The following RBFOX3 variants were observed in gnomAD, a reference collection of about 807,000 sequenced individuals.
The protein encoded by RBFOX3 is RNA binding fox-1 homolog 3.
A neutral mutation model predicts 48.7 loss-of-function variants in RBFOX3; 17 were observed. The observed-to-expected ratio is 0.35, with a 90% confidence interval of 0.24 to 0.52. RBFOX3 has a LOEUF of 0.52. Ranked by LOEUF, RBFOX3 falls within the 20% of genes least tolerant of loss-of-function variation. RBFOX3 has a pLI of 0.94. For missense variants in RBFOX3, 382 were observed against 497.5 expected (o/e 0.77, Z 2.21); for synonymous variants, 212 against 209.5 (o/e 1.01, Z -0.10).
chr17:79,640,645 T>A, the RBFOX3 span, among the ~76,000 whole-genome samples: 1 of 152,074 alleles, frequency 6.6e-6, no homozygotes, highest in African/African-American at 2.4e-5. Context: ...CAGAAATAAA[T>A]TCATTCATTT....
At chr17:79,317,973 C>T (rs767170305) in intron 2 of RBFOX3, among the ~76,000 whole-genome samples, 46 of 152,078 alleles carry the variant, frequency 3.0e-4, no homozygotes, top group African/African-American at 9.7e-4. Context: ...TTAAGCTTGC[C>T]GCTTCATCAT....
intron 4 of RBFOX3, among the ~76,000 whole-genome samples, chr17:79,148,016 C>CT (rs2043410296): frequency 1.3e-5 from 2 of 151,618 alleles, no homozygotes; most frequent in Non-Finnish European, 3.0e-5. Context: ...CCGTGGGGCC[C>CT]CGGGGGGAGG....
At chr17:79,349,477 T>C (rs2083482256) in intron 2 of RBFOX3, among the ~76,000 whole-genome samples, 1 of 151,944 alleles carries the variant, frequency 6.6e-6, no homozygotes, top group Non-Finnish European at 1.5e-5. Flanking sequence ...CAACTCCTAC[T>C]CACCCTCCCG....
At chr17:79,411,059 G>A (rs2064252060) in intron 2 of RBFOX3, among the ~76,000 whole-genome samples, 1 of 152,210 alleles carries the variant, frequency 6.6e-6, no homozygotes, top group South Asian at 2.1e-4. Context: ...TTGTGCCTCA[G>A]TTTCCTCCTC....
At chr17:79,169,660 C>T (rs1376868134) in intron 4 of RBFOX3, among the ~76,000 whole-genome samples, 1 of 152,208 alleles carries the variant, frequency 6.6e-6, no homozygotes, top group Non-Finnish European at 1.5e-5. Context: ...AAAGGCAAAT[C>T]CACAGAGGCT....
intron 4 of RBFOX3, among the ~76,000 whole-genome samples, chr17:79,228,226 T>C (rs1239570198): frequency 1.3e-5 from 2 of 152,258 alleles, no homozygotes; most frequent in East Asian, 3.9e-4. Context: ...CTCTCCGTGT[T>C]CCCTCCGGCC....
chr17:79,490,747 C>G (rs1276084143), intron 1 of RBFOX3, among the ~76,000 whole-genome samples: 3 of 130,756 alleles, frequency 2.3e-5, no homozygotes, highest in Non-Finnish European at 5.0e-5. Context: ...AGAGAGAGAA[C>G]AGGTAAACCA....
intron 1 of RBFOX3, among the ~76,000 whole-genome samples, chr17:79,534,734 G>A (rs1406594489): frequency 6.6e-6 from 1 of 152,230 alleles, no homozygotes; most frequent in African/African-American, 2.4e-5. Context: ...AATCAGGCTT[G>A]TAAAACATCA....
At chr17:79,358,569 C>T (rs2085674164) in intron 2 of RBFOX3, among the ~76,000 whole-genome samples, 1 of 152,102 alleles carries the variant, frequency 6.6e-6, no homozygotes, top group Non-Finnish European at 1.5e-5. Flanking sequence ...CAAGCAATTC[C>T]ATTGCCTCAG....
At position 79,103,882 on chromosome 17, in the gene RBFOX3, G is replaced by T. The variant is rs902377923; in HGVS notation, c.414+191C>A. Among the ~76,000 whole-genome samples the T allele has an allele frequency of 7.1e-6, 1 of 140,222 alleles. No individual in the cohort carries two copies. The highest frequency in any genetic ancestry group is 2.6e-5 in the African/African-American group (1 of 39,054). 92.0% of individuals were successfully genotyped at this position (140,222 alleles called of 152,430 possible). Reference sequence around the variant, plus strand: ...TGGCTCAGAAAGAAAAAGCGGCAGCGGCAGCAACAACACAGACAGCTGGGG... The same window carrying T: ...TGGCTCAGAAAGAAAAAGCGGCAGCTGCAGCAACAACACAGACAGCTGGGG... On this transcript the variant is annotated intron_variant, in intron 7 of 14. Transcript: ENST00000693108. The surrounding 1 kb of genome is among the most constrained non-coding windows in gnomAD (Gnocchi z 6.1).
chr17:79,431,094 G>A (rs2068353757), intron 2 of RBFOX3, among the ~76,000 whole-genome samples: 1 of 152,188 alleles, frequency 6.6e-6, no homozygotes, highest in Non-Finnish European at 1.5e-5. Flanking sequence ...AAAACATGAG[G>A]TCAAGCCCGA....
intron 2 of RBFOX3, among the ~76,000 whole-genome samples, chr17:79,404,000 G>C (rs1451808919): frequency 6.6e-6 from 1 of 152,094 alleles, no homozygotes; most frequent in Non-Finnish European, 1.5e-5. Context: ...GGATGGTCTT[G>C]ATCTCCTGAC....
intron 2 of RBFOX3, among the ~76,000 whole-genome samples, chr17:79,312,097 G>A (rs1025523669): frequency 3.3e-5 from 5 of 152,174 alleles, no homozygotes; most frequent in Middle Eastern, 3.4e-3. Flanking sequence ...CAGCGCTACC[G>A]TACTGTAACT....
chr17:79,197,894 G>A lies in RBFOX3; in HGVS notation c.-34+37872C>T, dbSNP rs77862027. Among the ~76,000 whole-genome samples, 359 of 152,230 alleles carry A rather than the reference G, an allele frequency of 2.4e-3. 3 individuals carry two copies. The highest frequency in any genetic ancestry group is 8.4e-3 in the African/African-American group (347 of 41,546). On this transcript the variant is annotated intron_variant, in intron 4 of 14. Coordinates refer to ENST00000693108, the MANE Select transcript of RBFOX3 (RefSeq NM_001350451.2). ...GCCGGAAACCCAAAGAAAAGCCTGA[G>A]TCTCTGTGCCCTTCCTCACCTCCCC...
chr17:79,090,715 C>T lies in RBFOX3; in HGVS notation c.*168G>A, dbSNP rs1230169768. The T allele has an allele frequency of 1.3e-5, 11 of 838,744 alleles. No individual in the cohort carries two copies. The highest frequency in any genetic ancestry group is 3.5e-4 in the Middle Eastern group (1 of 2,888). The allele number at this position is 838,744 out of a possible 1,614,324, so 52.0% of individuals were successfully genotyped here. A position where few individuals can be genotyped will look rare whatever the true frequency, so the allele number is the denominator to read the frequency against. ...TGCCGGCGTGCTCCCTCGGTGCGGG[C>T]GTGTGGCCAGGACGCGGGACTTGGA... On this transcript the variant is annotated 3_prime_UTR_variant, in exon 15 of 15. Coordinates refer to ENST00000693108, the MANE Select transcript of RBFOX3 (RefSeq NM_001350451.2).
intron 1 of RBFOX3, among the ~76,000 whole-genome samples, chr17:79,557,101 CA>C (rs2091818869): frequency 6.6e-6 from 1 of 151,708 alleles, no homozygotes; most frequent in Admixed American, 6.6e-5. Context: ...AAAAATTAGC[CA>C]GGCATGGTGG....
rs1369811833 is a variant in RBFOX3 at position 79,477,887 on chromosome 17, A to T, written c.-175+4567T>A. ...ATATTGGATCCAAGAAGGAAATAAG[A>T]TGCCCCTGTAGGAAGGAGAGACCCC... On this transcript the variant is annotated intron_variant, in intron 2 of 14. Transcript: ENST00000693108. The surrounding 1 kb of genome is among the most constrained non-coding windows in gnomAD (Gnocchi z 4.8). Among the ~76,000 whole-genome samples, 5 of 152,312 alleles carry T rather than the reference A, an allele frequency of 3.3e-5. No individual in the cohort carries two copies. The East Asian group carries it at 7.7e-4, about 24-fold the overall frequency.
At chr17:79,287,629 C>T (rs908624235) in intron 3 of RBFOX3, among the ~76,000 whole-genome samples, 1 of 152,136 alleles carries the variant, frequency 6.6e-6, no homozygotes, top group African/African-American at 2.4e-5. Context: ...GGCACCAGGG[C>T]CCCTCCCCAC....
chr17:79,338,127 C>T lies in RBFOX3; in HGVS notation c.-174-30303G>A, dbSNP rs140204582. ...ATAATTTTTGTAATTTTAATAGAGA[C>T]GGGGTTTCACCATGTTGGTCAGGCT... On this transcript the variant is annotated intron_variant, in intron 2 of 14. Transcript: ENST00000693108. Among the ~76,000 whole-genome samples the T allele has an allele frequency of 4.3e-4, 66 of 152,168 alleles. 1 individual carries two copies. The highest frequency in any genetic ancestry group is 1.4e-3 in the African/African-American group (60 of 41,514).
Sources: gnomAD v4.1 joint callset for allele counts (sites outside exome capture counted in the v4.1 genomes callset) on GRCh38, gnomAD v4.1.1 for gene constraint, Gnocchi (gnomAD v3.1) non-coding constraint, MANE v1.5 for transcripts, NCBI Gene and HGNC (gene_info 2026-07-23, HGNC 2026-07-21) for gene names.